The following CFAP20DC variants were observed in gnomAD, a reference collection of about 807,000 sequenced individuals.
CFAP20DC encodes CFAP20 domain containing.
In CFAP20DC, 84 loss-of-function variants were observed where a neutral mutation model predicts 101.7. The observed-to-expected ratio is 0.83, with a 90% CI of 0.69 to 0.99. The LOEUF is 0.99. Among genes scored for constraint, CFAP20DC ranks in the 50% least tolerant of loss-of-function variants. The probability of loss-of-function intolerance (pLI) is 0.00; values close to 1 mark genes in which losing one functional copy is unlikely to be tolerated. For missense variants in CFAP20DC, 1,007 were observed against 970.3 expected, an observed-to-expected ratio of 1.04 and a Z score of -0.50; for synonymous variants, 359 against 351.2, an observed-to-expected ratio of 1.02 and a Z score of -0.25.
intron 4 of CFAP20DC, among the ~76,000 whole-genome samples, chr3:58,973,599 A>T (rs1424664447): frequency 3.3e-5 from 5 of 152,188 alleles, no homozygotes; most frequent in Non-Finnish European, 5.9e-5. Context: ...CTAGCTAAAA[A>T]GGACTAGAAA....
At chr3:58,885,942 A>G (rs188653128) in intron 6 of CFAP20DC, among the ~76,000 whole-genome samples, 98 of 151,842 alleles carry the variant, frequency 6.5e-4, no homozygotes, top group African/African-American at 2.4e-3. Flanking sequence ...TCTCTCTGTA[A>G]TTTTCTTTTT....
chr3:58,996,103 G>A (rs9813951), intron 4 of CFAP20DC, among the ~76,000 whole-genome samples: 24,521 of 146,952 alleles, frequency 0.17, 3,983 homozygotes, highest in African/African-American at 0.41. Context: ...AAATGAAGCA[G>A]AAAAAAAAAA....
At chr3:58,870,091 CT>C in intron 8 of CFAP20DC, 81 bp downstream of exon 8, 1 of 1,034,932 alleles carries the variant, frequency 9.7e-7, no homozygotes, top group Non-Finnish European at 1.5e-6. Flanking sequence ...CTTTCCCTCC[CT>C]CCCTCCCTCT....
rs114955383 is a variant in CFAP20DC, at chr3:58,975,155, C to T, written c.279-37393G>A. 2.7e-3 allele frequency among the ~76,000 whole-genome samples: 410 copies of T among 152,174 alleles called. 1 individual carries two copies. Among genetic ancestry groups the T allele is most frequent in the African/African-American group, 9.3e-3 (386 of 41,518 alleles). ...CACAAGCTTTTTTTTTCAGCGGGTA[C>T]ACTATGCTTTCTACTCTTCACATGA... On this transcript the variant is annotated intron_variant, in intron 4 of 16. Transcript: ENST00000482387.
intron 4 of CFAP20DC, among the ~76,000 whole-genome samples, chr3:58,987,967 T>C (rs1344708728): frequency 6.6e-6 from 1 of 152,036 alleles, no homozygotes; most frequent in African/African-American, 2.4e-5. Context: ...TTATCAAATA[T>C]AATTTTATCA....
At chr3:58,852,857 C>G (rs1299518262) in intron 12 of CFAP20DC, among the ~76,000 whole-genome samples, 1 of 150,750 alleles carries the variant, frequency 6.6e-6, no homozygotes, top group African/African-American at 2.4e-5. Flanking sequence ...AAATTTATAG[C>G]ACTAAATGCC....
rs1219032712 is a variant in CFAP20DC at position 59,007,159 on chromosome 3, C to G, written c.278+32398G>C. ...AACCCCATTGGCCTGAGAACCACCCCCAACTCCCCAACAGTGGCTGTGGCA... is the reference window on the plus strand; with the variant it reads ...AACCCCATTGGCCTGAGAACCACCCGCAACTCCCCAACAGTGGCTGTGGCA... On this transcript the variant is annotated intron_variant, in intron 4 of 16. Transcript: ENST00000482387. This position sits in a 1 kb window ranked among gnomAD's most constrained non-coding sequence, Gnocchi z 4.4. 6.6e-6 allele frequency among the ~76,000 whole-genome samples: 1 copy of G among 152,146 alleles called. No homozygotes were observed. The highest frequency in any genetic ancestry group is 6.5e-5 in the Admixed American group (1 of 15,280).
intron 4 of CFAP20DC, among the ~76,000 whole-genome samples, chr3:58,949,979 T>C (rs1181959044): frequency 6.6e-6 from 1 of 152,162 alleles, no homozygotes; most frequent in East Asian, 1.9e-4. Context: ...GGGAGTCCAG[T>C]TGTCCCTGTT....
chr3:58,797,349 T>C (rs988042256), intron 15 of CFAP20DC, among the ~76,000 whole-genome samples: 2 of 152,172 alleles, frequency 1.3e-5, no homozygotes, highest in East Asian at 3.9e-4. Context: ...TGGAGAAAGT[T>C]TGAGTGGTCT....
chr3:58,785,969 C>A (rs1166334551), intron 15 of CFAP20DC, among the ~76,000 whole-genome samples: 2 of 152,122 alleles, frequency 1.3e-5, no homozygotes, highest in Admixed American at 6.6e-5. Context: ...CAGTTTCTGG[C>A]CCTTGAAAGC....
intron 3 of CFAP20DC, among the ~76,000 whole-genome samples, chr3:59,044,175 CATAA>C (rs1699656069): frequency 6.6e-6 from 1 of 152,016 alleles, no homozygotes; most frequent in Non-Finnish European, 1.5e-5. Context: ...GTCAAGTTTG[CATAA>C]ATAAAGTGGA....
At chr3:58,879,335 A>T (rs543693097) in intron 7 of CFAP20DC, among the ~76,000 whole-genome samples, 1 of 152,342 alleles carries the variant, frequency 6.6e-6, no homozygotes, top group East Asian at 1.9e-4. Flanking sequence ...TCAATCATAA[A>T]AAGGGTGATT....
intron 13 of CFAP20DC, 103 bp from the exon 14 acceptor site, chr3:58,831,992 A>G: frequency 1.1e-6 from 1 of 925,006 alleles, no homozygotes; most frequent in Non-Finnish European, 1.7e-6. Context: ...CCCAACTGAC[A>G]GAGGCCCAAA....
chr3:59,007,235 T>A lies in CFAP20DC; in HGVS notation c.278+32322A>T, dbSNP rs551203413. On this transcript the variant is annotated intron_variant, in intron 4 of 16. Transcript: ENST00000482387. The surrounding 1 kb of genome is among the most constrained non-coding windows in gnomAD (Gnocchi z 4.4). ...TCATACTCACCTAATCCTGCCCCCA[T>A]CTGAAGGTACTCCTCTACCCGCCCT... is the stretch of plus-strand genomic sequence containing the variant. 6.6e-6 allele frequency among the ~76,000 whole-genome samples: 1 copy of A among 152,172 alleles called. No homozygotes were observed. Among genetic ancestry groups the A allele is most frequent in the South Asian group, 2.1e-4 (1 of 4,808 alleles).
rs553735926 is a variant in CFAP20DC, at chr3:58,890,186, C to T, written c.551-5477G>A. Among the ~76,000 whole-genome samples, 22 of 146,024 alleles carry T rather than the reference C, an allele frequency of 1.5e-4. 1 individual carries two copies. The East Asian group carries it at 4.2e-3, about 28-fold the overall frequency. On this transcript the variant is annotated intron_variant, in intron 6 of 16. Coordinates refer to ENST00000482387, the MANE Select transcript of CFAP20DC (RefSeq NM_001394063.1). ...GGCGGCTGGCTGGGCAGGGGGCTGACCCCCCCACCTCCCTCCCGGACGGGG... is the reference window on the plus strand; with the variant it reads ...GGCGGCTGGCTGGGCAGGGGGCTGATCCCCCCACCTCCCTCCCGGACGGGG...
chr3:58,721,270 G>A lies in CFAP20DC; in HGVS notation c.198-3642C>T. ...AACACGTTTATTAAACACCTTATCT[G>A]GGCCAGGGATTGTGTACTTCTGGGT... is the stretch of plus-strand genomic sequence containing the variant. On this transcript the variant is annotated intron_variant, in intron 3 of 3. Transcript: ENST00000486145. This position sits in a 1 kb window ranked among gnomAD's most constrained non-coding sequence, Gnocchi z 5.2. 6.6e-6 allele frequency among the ~76,000 whole-genome samples: 1 copy of A among 152,140 alleles called. No homozygotes were observed.
Position 58,761,105 on chromosome 3 carries a change from G to A in CFAP20DC, c.2238-7242C>T, listed in dbSNP as rs542943433. On this transcript the variant is annotated intron_variant, in intron 15 of 16. Transcript: ENST00000482387. ...CTATTGATTGGAATAGTTTCAGAAG[G>A]AATGGTAGCAGCTCCTCCTTGTACC... Among the ~76,000 whole-genome samples the A allele has an allele frequency of 3.5e-3, 534 of 152,272 alleles. 1 individual carries two copies. Among genetic ancestry groups the A allele is most frequent in the Non-Finnish European group, 5.5e-3 (377 of 68,012 alleles).
At chr3:58,867,971 A>G (rs1216609161) in intron 9 of CFAP20DC, 35 bp from the exon 10 acceptor site, 1 of 1,578,424 alleles carries the variant, frequency 6.3e-7, no homozygotes, top group Non-Finnish European at 8.6e-7. Context: ...AAGCCAGAAC[A>G]GAAAGTGCTA....
At chr3:59,022,735 A>G (rs1354472642) in intron 4 of CFAP20DC, among the ~76,000 whole-genome samples, 2 of 152,102 alleles carry the variant, frequency 1.3e-5, no homozygotes, top group Non-Finnish European at 2.9e-5. Flanking sequence ...GAAATGACAT[A>G]AAACAAAGAT....
Sources: allele counts gnomAD v4.1 joint callset (sites outside exome capture counted in the v4.1 genomes callset), GRCh38; gene constraint gnomAD v4.1.1; non-coding constraint Gnocchi (gnomAD v3.1); transcripts MANE v1.5; gene names NCBI Gene and HGNC (gene_info 2026-07-23, HGNC 2026-07-21).